Variants in DPY19L1 observed in about 807,000 individuals in gnomAD.
DPY19L1 encodes dpy-19 like C-mannosyltransferase 1.
Under a neutral mutation model 96.9 loss-of-function variants are expected in DPY19L1, and 35 were observed. The ratio of observed to expected loss-of-function variants is 0.36; its 90% CI spans 0.28 to 0.48. The LOEUF is 0.48. DPY19L1 is among the 20% of genes least tolerant of loss of function. The pLI, the probability that DPY19L1 is intolerant of heterozygous loss-of-function variation, is 0.99. For missense variants in DPY19L1, 521 were observed against 777.9 expected (o/e 0.67, Z 3.93); for synonymous variants, 205 against 252.6 (o/e 0.81, Z 1.79).
At chr7:34,957,555 C>T (rs1289413150) in intron 11 of DPY19L1, among the ~76,000 whole-genome samples, 1 of 151,990 alleles carries the variant, frequency 6.6e-6, no homozygotes, top group South Asian at 2.1e-4. Context: ...TTACTTAAAC[C>T]ATCTGAATAG....
chr7:34,932,939 T>G (rs1214974779), intron 21 of DPY19L1, among the ~76,000 whole-genome samples: 3 of 152,184 alleles, frequency 2.0e-5, no homozygotes, highest in Non-Finnish European at 2.9e-5. Context: ...CTCTCCACCA[T>G]GAGGCAAACA....
At chr7:35,016,468 T>C (rs1785850708) in intron 3 of DPY19L1, among the ~76,000 whole-genome samples, 1 of 152,220 alleles carries the variant, frequency 6.6e-6, no homozygotes, top group African/African-American at 2.4e-5. Flanking sequence ...CTCTATGATA[T>C]ACCTCAGGGA....
chr7:35,037,578 G>C (rs1430046196), upstream of DPY19L1: 49 of 291,434 alleles, frequency 1.7e-4, 1 homozygote, highest in Non-Finnish European at 6.3e-6. Flanking sequence ...GCTGCTGCCT[G>C]GCTGGCAGTA....
At chr7:35,011,548 C>T in intron 4 of DPY19L1, 98 bp from the exon 5 acceptor site, 1 of 1,181,476 alleles carries the variant, frequency 8.5e-7, no homozygotes, top group South Asian at 1.6e-5. Flanking sequence ...CATATTTTCC[C>T]TTTCCATACC....
At chr7:35,025,508 G>A (rs1207852320) in intron 1 of DPY19L1, among the ~76,000 whole-genome samples, 1 of 152,082 alleles carries the variant, frequency 6.6e-6, no homozygotes, top group Non-Finnish European at 1.5e-5. Flanking sequence ...AGAGGTGGGT[G>A]GGGGAGGTGG....
At chr7:35,017,749 G>T in intron 3 of DPY19L1, 133 bp downstream of exon 3, 1 of 491,114 alleles carries the variant, frequency 2.0e-6, no homozygotes, top group Non-Finnish European at 3.4e-6. Flanking sequence ...AAAACTGGCT[G>T]TGGCTGTCAG....
chr7:35,013,391 C>A (rs545984697), intron 4 of DPY19L1, among the ~76,000 whole-genome samples, 177 bp downstream of exon 4: 2 of 152,192 alleles, frequency 1.3e-5, no homozygotes, highest in Admixed American at 6.5e-5. Flanking sequence ...GAATTAAAGC[C>A]CTCTCCTCAA....
At chr7:35,006,990 T>C (rs1785575123) in intron 6 of DPY19L1, among the ~76,000 whole-genome samples, 1 of 152,238 alleles carries the variant, frequency 6.6e-6, no homozygotes, top group South Asian at 2.1e-4. Context: ...CAACTTTAGA[T>C]ACCCTCCTCT....
At chr7:34,934,460 T>A (rs1205614695) in intron 21 of DPY19L1, among the ~76,000 whole-genome samples, 1 of 152,216 alleles carries the variant, frequency 6.6e-6, no homozygotes, top group African/African-American at 2.4e-5. Context: ...ACCAATTCTT[T>A]ACAGACAGAT....
chr7:34,952,068 C>CA (rs67358186), intron 13 of DPY19L1, among the ~76,000 whole-genome samples: 330 of 93,248 alleles, frequency 3.5e-3, no homozygotes, highest in African/African-American at 9.4e-3. Flanking sequence ...ACTAAACTTT[C>CA]AAAAAAAAAA....
At position 35,018,611 on chromosome 7, in the gene DPY19L1, A is replaced by G. The variant is rs752784953; in HGVS notation, c.299-15T>C. On this transcript the variant is annotated splice_polypyrimidine_tract_variant and intron_variant, in intron 1 of 21. Coordinates refer to ENST00000638088, the MANE Select transcript of DPY19L1 (RefSeq NM_001366673.1). ...TGCAAAAACAGCTGTAAGAAAAAAG[A>G]AATTTAAATTAGAATTTTAGCATAA... 1 of 1,605,956 alleles carries G rather than the reference A, an allele frequency of 6.2e-7. No homozygotes were observed. The highest frequency in any genetic ancestry group is 1.1e-5 in the South Asian group (1 of 88,802).
chr7:34,957,540 T>A (rs1584217164), intron 11 of DPY19L1, among the ~76,000 whole-genome samples: 6 of 152,252 alleles, frequency 3.9e-5, no homozygotes, highest in African/African-American at 1.4e-4. Flanking sequence ...AACTGAATCA[T>A]CACCTTACTT....
At chr7:34,949,274 A>G (rs1784219265) in intron 14 of DPY19L1, among the ~76,000 whole-genome samples, 1 of 152,222 alleles carries the variant, frequency 6.6e-6, no homozygotes, top group Non-Finnish European at 1.5e-5. Context: ...AGAAACTAGT[A>G]AACTATAACA....
At chr7:34,973,192 T>C (rs1396003688) in intron 8 of DPY19L1, among the ~76,000 whole-genome samples, 1 of 152,132 alleles carries the variant, frequency 6.6e-6, no homozygotes, top group Non-Finnish European at 1.5e-5. Context: ...ATGACCAGCC[T>C]TTACCTTCTT....
At chr7:34,952,068 CAA>C (rs67358186) in intron 13 of DPY19L1, among the ~76,000 whole-genome samples, 20 of 93,474 alleles carry the variant, frequency 2.1e-4, no homozygotes, top group African/African-American at 6.5e-4. Context: ...ACTAAACTTT[CAA>C]AAAAAAAAAA....
chr7:35,033,453 T>TA (rs1294609742), intron 1 of DPY19L1, among the ~76,000 whole-genome samples: 15 of 152,238 alleles, frequency 9.9e-5, no homozygotes, highest in Non-Finnish European at 1.5e-4. Context: ...TCTGGCTTAG[T>TA]AGACGCTCAA....
chr7:34,957,372 C>T (rs1637672), intron 11 of DPY19L1, among the ~76,000 whole-genome samples: 70,947 of 151,658 alleles, frequency 0.47, 17,081 homozygotes, highest in Admixed American at 0.61. Context: ...TGAAACTCCA[C>T]CTTAAAAAAA....
rs763688227 is a variant in DPY19L1, at chr7:35,011,355, T to C, written c.645A>G (p.Gly215=). ...KICWTVTRGE[G]LSPIESCEGL... The stretch of plus-strand genomic sequence containing the variant: ...CTTCACAGCTTTCAATAGGACTGAG[T>C]CCTTCTCCTCTGGTAACCGTCCAAC... The change falls in exon 5 of 22, where the codon GGA becomes GGG. Residue 215 remains glycine (G), a synonymous_variant. Transcript: ENST00000638088. The C allele has an allele frequency of 2.5e-5, 40 of 1,613,194 alleles. No individual in the cohort carries two copies. In the Admixed American group the frequency reaches 6.5e-4, roughly 26 times the overall value.
intron 7 of DPY19L1, among the ~76,000 whole-genome samples, chr7:34,974,927 T>C (rs573729491): frequency 6.6e-6 from 1 of 152,172 alleles, no homozygotes; most frequent in African/African-American, 2.4e-5. Flanking sequence ...TCTCTGATAT[T>C]ACTATTCTAA....
Sources: gnomAD v4.1 joint callset for allele counts (sites outside exome capture counted in the v4.1 genomes callset) on GRCh38, gnomAD v4.1.1 for gene constraint, MANE v1.5 for transcripts, NCBI Gene and HGNC (gene_info 2026-07-23, HGNC 2026-07-21) for gene names.